Variants in RIPOR3 observed in about 807,000 individuals in gnomAD.
RIPOR3 encodes RIPOR family member 3, also known as family with sequence similarity 65 member C.
In RIPOR3, 95 loss-of-function variants were observed where a neutral mutation model predicts 114.3. That is an observed-to-expected ratio of 0.83 (90% CI 0.70 to 0.99). RIPOR3 has a LOEUF of 0.99. RIPOR3 is among the 50% of genes least tolerant of loss of function. RIPOR3 has a pLI of 0.00. For synonymous variants in RIPOR3, 575 were observed against 543.8 expected, an observed-to-expected ratio of 1.06 and a Z score of -0.80; for missense variants, 1,252 against 1,266.9, an observed-to-expected ratio of 0.99 and a Z score of 0.18.
At chr20:50,632,835 C>T (rs776163630) in intron 1 of RIPOR3, among the ~76,000 whole-genome samples, 8 of 152,152 alleles carry the variant, frequency 5.3e-5, no homozygotes, top group African/African-American at 1.4e-4. Flanking sequence ...GTTTAGAACC[C>T]GAGGATGCCC....
intron 19 of RIPOR3, 128 bp downstream of exon 19, chr20:50,592,216 C>T (rs2083128833): frequency 2.2e-6 from 2 of 920,036 alleles, no homozygotes; most frequent in Non-Finnish European, 1.5e-6. Flanking sequence ...CCAGGTCCCT[C>T]CATCAAAATA....
rs2083555782 is a variant in RIPOR3 at position 50,602,820 on chromosome 20, C to T, written c.1087-176G>A. On this transcript the variant is annotated intron_variant, in intron 12 of 21. Transcript: ENST00000327979. This position sits in a 1 kb window ranked among gnomAD's most constrained non-coding sequence, Gnocchi z 4.3. ...CAGAAAAAACCCTGTCCCCTCTCTG[C>T]ACTTATCCCCCATCCCGCCTCCAAC... 6.6e-6 allele frequency among the ~76,000 whole-genome samples: 1 copy of T among 152,220 alleles called. No individual in the cohort carries two copies. The highest frequency in any genetic ancestry group is 1.5e-5 in the Non-Finnish European group (1 of 68,028).
Position 50,595,376 on chromosome 20 carries a change from A to G in RIPOR3, c.2043T>C (p.Ile681=). Residue 681 remains isoleucine (I), a synonymous_variant, in exon 16 of 22, where the codon ATT becomes ATC. Transcript: ENST00000327979. ...DFEKVGKATS[I]EEIIPQASRT... Reference sequence around the variant, plus strand: ...TGGCAGGCAGCTACTTACTCTCTTCAATGGATGTTGCCTTGCCGACCTTCT... The same window carrying G: ...TGGCAGGCAGCTACTTACTCTCTTCGATGGATGTTGCCTTGCCGACCTTCT... 3 of 1,613,872 alleles carry G rather than the reference A, an allele frequency of 1.9e-6. No individual in the cohort carries two copies. The highest frequency in any genetic ancestry group is 2.5e-6 in the Non-Finnish European group (3 of 1,179,888).
chr20:50,635,890 G>GA (rs2084968511), intron 1 of RIPOR3, among the ~76,000 whole-genome samples: 1 of 152,220 alleles, frequency 6.6e-6, no homozygotes, highest in African/African-American at 2.4e-5. Context: ...TCCTCCAGCG[G>GA]GGAAGAGGCC....
rs1568807691 is a variant in RIPOR3 at position 50,587,783 on chromosome 20, AGTTT to A, written c.2752+15_2752+18del. 1 of 1,613,628 alleles carries A rather than the reference AGTTT, an allele frequency of 6.2e-7. No individual in the cohort carries two copies. The highest frequency in any genetic ancestry group is 1.7e-5 in the Admixed American group (1 of 60,020). On this transcript the variant is annotated intron_variant, in intron 21 of 21. Transcript: ENST00000327979. Reference sequence around the variant, plus strand: ...CCCCAGGCACCCCGCTGCGCTGCACAGTTTGTGCCACTTTTTACCGAACGACAGT... The same window carrying A: ...CCCCAGGCACCCCGCTGCGCTGCACAGTGCCACTTTTTACCGAACGACAGT...
At chr20:50,682,613 T>TGTGTGTGTGTGTGTGTGC (rs1234835419) in intron 1 of RIPOR3, among the ~76,000 whole-genome samples, 1 of 13,918 alleles carries the variant, frequency 7.2e-5, no homozygotes, top group South Asian at 4.2e-3. Flanking sequence ...TCTCAAAATA[T>TGTGTGTGTGTGTGTGTGC]GTGTGTGTGT....
chr20:50,604,124 G>A (rs1284097815), intron 12 of RIPOR3, among the ~76,000 whole-genome samples: 1 of 151,712 alleles, frequency 6.6e-6, no homozygotes, highest in Admixed American at 6.6e-5. Flanking sequence ...GGTGGAGGTT[G>A]CAGTGAGCTG....
intron 1 of RIPOR3, among the ~76,000 whole-genome samples, chr20:50,682,762 T>C (rs2086900689): frequency 1.3e-5 from 2 of 150,626 alleles, no homozygotes; most frequent in Admixed American, 6.7e-5. Flanking sequence ...AGTTTCGCAC[T>C]CATCGCCCAG....
At chr20:50,641,707 G>A (rs568835393) in intron 1 of RIPOR3, among the ~76,000 whole-genome samples, 6 of 152,358 alleles carry the variant, frequency 3.9e-5, no homozygotes, top group African/African-American at 1.4e-4. Flanking sequence ...CCCAGGAGCT[G>A]TGTTACACAG....
intron 2 of RIPOR3, among the ~76,000 whole-genome samples, chr20:50,620,483 C>T (rs766826786): frequency 6.6e-6 from 1 of 151,938 alleles, no homozygotes; most frequent in Non-Finnish European, 1.5e-5. Flanking sequence ...AAAAATTAGC[C>T]GGATGTGGTG....
At chr20:50,682,564 A>G (rs931396773) in intron 1 of RIPOR3, among the ~76,000 whole-genome samples, 1 of 130,716 alleles carries the variant, frequency 7.7e-6, no homozygotes, top group Non-Finnish European at 1.7e-5. Flanking sequence ...CTGAGATTGC[A>G]CCACTGCACT....
chr20:50,612,268 C>A (rs545811720), intron 4 of RIPOR3, among the ~76,000 whole-genome samples: 1 of 152,212 alleles, frequency 6.6e-6, no homozygotes, highest in South Asian at 2.1e-4. Flanking sequence ...GGGTTAAATT[C>A]ATCAGGGTCA....
chr20:50,597,599 C>T lies in RIPOR3; in HGVS notation c.1771G>A (p.Gly591Arg). The T allele has an allele frequency of 1.9e-6, 3 of 1,608,504 alleles. No homozygotes were observed. The highest frequency in any genetic ancestry group is 3.4e-5 in the Admixed American group (2 of 59,344). The change falls in exon 14 of 22, where the codon GGG (glycine) becomes AGG (arginine). Residue 591 changes from glycine to arginine, a missense_variant. Physicochemically the swap from Gly to Arg is moderately radical, Grantham distance 125. Coordinates refer to ENST00000327979, the MANE Select transcript of RIPOR3 (RefSeq NM_001290268.2). ...DFALDELSLF[G>R]GSQGLRKDRP... is the part of the protein sequence containing the mutation. ...ACTCACCGGAGACCCTGGGAGCCCCCAAACAGGGACAGCTCATCCAGGGCG... is the reference window on the plus strand; with the variant it reads ...ACTCACCGGAGACCCTGGGAGCCCCTAAACAGGGACAGCTCATCCAGGGCG...
At chr20:50,667,438 C>T (rs997000078) in intron 1 of RIPOR3, among the ~76,000 whole-genome samples, 6 of 151,572 alleles carry the variant, frequency 4.0e-5, no homozygotes, top group African/African-American at 1.2e-4. Context: ...TGATTACAGG[C>T]ACCCGCCACA....
chr20:50,679,123 A>ATATATATATATAT (rs1473343687), intron 1 of RIPOR3, among the ~76,000 whole-genome samples: 24 of 79,146 alleles, frequency 3.0e-4, no homozygotes, highest in Admixed American at 6.0e-4. Context: ...AAAAAAAAAA[A>ATATATATATATAT]AAAAAAAAAA....
intron 12 of RIPOR3, among the ~76,000 whole-genome samples, chr20:50,603,190 G>T (rs1169123315): frequency 6.6e-6 from 1 of 152,226 alleles, no homozygotes; most frequent in Non-Finnish European, 1.5e-5. Context: ...AGCTCCCTGA[G>T]GGCACAGTCT....
chr20:50,594,275 CAA>C (rs35958484), intron 17 of RIPOR3, among the ~76,000 whole-genome samples: 65 of 77,622 alleles, frequency 8.4e-4, no homozygotes, highest in African/African-American at 1.5e-3. Flanking sequence ...GACTCCATCT[CAA>C]AAAAAAAAAA....
At chr20:50,607,403 T>G (rs2083762785) in intron 11 of RIPOR3, among the ~76,000 whole-genome samples, 1 of 152,284 alleles carries the variant, frequency 6.6e-6, no homozygotes, top group South Asian at 2.1e-4. Flanking sequence ...TCGGAGTAGG[T>G]AGGTCCCCAT....
intron 4 of RIPOR3, among the ~76,000 whole-genome samples, chr20:50,614,371 C>T (rs1041610947): frequency 5.3e-5 from 8 of 152,202 alleles, no homozygotes; most frequent in Non-Finnish European, 8.8e-5. Flanking sequence ...CTCATCTCCC[C>T]TCCTCGCTTT....
Sources: gnomAD v4.1 joint callset for allele counts (sites outside exome capture counted in the v4.1 genomes callset) on GRCh38, gnomAD v4.1.1 for gene constraint, Gnocchi (gnomAD v3.1) non-coding constraint, MANE v1.5 for transcripts, NCBI Gene and HGNC (gene_info 2026-07-23, HGNC 2026-07-21) for gene names.